ADRA1A: variants seen among roughly 807,000 people sequenced by gnomAD.
ADRA1A encodes alpha-1A adrenergic receptor.
Under a neutral mutation model 29.6 loss-of-function variants are expected in ADRA1A, and 31 were observed. That is an observed-to-expected ratio of 1.05 (90% CI 0.79 to 1.41). ADRA1A has a LOEUF of 1.41. Ranked by LOEUF, ADRA1A falls within the 40% of genes most tolerant of loss-of-function variation. The pLI is 0.00. For synonymous variants in ADRA1A, 311 were observed against 254.3 expected, an observed-to-expected ratio of 1.22 and a Z score of -2.12; for missense variants, 619 against 601.1, an observed-to-expected ratio of 1.03 and a Z score of -0.31.
At chr8:26,791,922 C>T (rs1183532605) in intron 2 of ADRA1A, among the ~76,000 whole-genome samples, 2 of 152,134 alleles carry the variant, frequency 1.3e-5, no homozygotes, top group African/African-American at 4.8e-5. Context: ...CTAACACCAG[C>T]CTCCCTATCA....
intron 2 of ADRA1A, among the ~76,000 whole-genome samples, chr8:26,804,108 G>A (rs1281634692): frequency 6.6e-6 from 1 of 151,798 alleles, no homozygotes; most frequent in Non-Finnish European, 1.5e-5. Flanking sequence ...TTTTTTTAGA[G>A]TCGGGGTCTT....
intron 2 of ADRA1A, among the ~76,000 whole-genome samples, chr8:26,846,199 ACTAG>A (rs1812184209): frequency 6.6e-6 from 1 of 152,202 alleles, no homozygotes; most frequent in African/African-American, 2.4e-5. Flanking sequence ...GTTTTGAATC[ACTAG>A]CTAAGATGTT....
At chr8:26,749,160 T>G (rs1804815168) in intron 2 of ADRA1A, among the ~76,000 whole-genome samples, 1 of 152,214 alleles carries the variant, frequency 6.6e-6, no homozygotes, top group African/African-American at 2.4e-5. Flanking sequence ...AAATAAGCTC[T>G]CAAAGTTGTT....
In ADRA1A at chr8:26,823,036, A is replaced by G. The variant is rs1389741112; in HGVS notation, c.883+41051T>C. On this transcript the variant is annotated intron_variant, in intron 2 of 2. Transcript: ENST00000380573. This position sits in a 1 kb window ranked among gnomAD's most constrained non-coding sequence, Gnocchi z 4.2. ...GCATTAGGGATTACAATTTGACATG[A>G]GATTTGGGTGGGGACACAGATCCAA... Among the ~76,000 whole-genome samples, 1 of 152,186 alleles carries G rather than the reference A, an allele frequency of 6.6e-6. No individual in the cohort carries two copies. The highest frequency in any genetic ancestry group is 1.5e-5 in the Non-Finnish European group (1 of 68,030).
At position 26,823,034 on chromosome 8, in the gene ADRA1A, T is replaced by G. The variant is rs145501124; in HGVS notation, c.883+41053A>C. Among the ~76,000 whole-genome samples, 60 of 152,244 alleles carry G rather than the reference T, an allele frequency of 3.9e-4. No individual in the cohort carries two copies. Among genetic ancestry groups the G allele is most frequent in the African/African-American group, 1.4e-3 (58 of 41,526 alleles). On this transcript the variant is annotated intron_variant, in intron 2 of 2. Transcript: ENST00000380573. This position sits in a 1 kb window ranked among gnomAD's most constrained non-coding sequence, Gnocchi z 4.2. ...CAGCATTAGGGATTACAATTTGACA[T>G]GAGATTTGGGTGGGGACACAGATCC... is the stretch of plus-strand genomic sequence containing the variant.
chr8:26,769,868 C>T lies in ADRA1A; in HGVS notation c.*281G>A, dbSNP rs1306477078. The T allele has an allele frequency of 1.1e-5, 13 of 1,172,772 alleles. No homozygotes were observed. The highest frequency in any genetic ancestry group is 1.3e-5 in the Non-Finnish European group (12 of 949,862). 72.6% of individuals were successfully genotyped at this position (1,172,772 alleles called of 1,614,324 possible). On this transcript the variant is annotated 3_prime_UTR_variant, in exon 3 of 3. Coordinates refer to ENST00000380573, the MANE Select transcript of ADRA1A (RefSeq NM_000680.4). Reference sequence around the variant, plus strand: ...TGGATTGTGCATGAAATTCTGTTTCCCATGGTGGTTTTCGTTGAAGTGGGC... The same window carrying T: ...TGGATTGTGCATGAAATTCTGTTTCTCATGGTGGTTTTCGTTGAAGTGGGC...
At chr8:26,783,525 T>C (rs552174103) in intron 2 of ADRA1A, among the ~76,000 whole-genome samples, 1 of 152,336 alleles carries the variant, frequency 6.6e-6, no homozygotes, top group African/African-American at 2.4e-5. Context: ...CAAAGAATAT[T>C]CAGAATGAGT....
intron 2 of ADRA1A, among the ~76,000 whole-genome samples, chr8:26,852,100 A>C (rs780797980): frequency 6.6e-6 from 1 of 152,190 alleles, no homozygotes; most frequent in Non-Finnish European, 1.5e-5. Flanking sequence ...AAAATTACCA[A>C]TGATTTTCAA....
At chr8:26,749,183 T>C (rs1186375422) in intron 2 of ADRA1A, among the ~76,000 whole-genome samples, 1 of 152,216 alleles carries the variant, frequency 6.6e-6, no homozygotes, top group Admixed American at 6.5e-5. Flanking sequence ...GTAGGACTCA[T>C]AATATCAAAC....
Position 26,825,720 on chromosome 8 carries a change from C to T in ADRA1A, c.883+38367G>A, listed in dbSNP as rs1035219678. The stretch of plus-strand genomic sequence containing the variant: ...ATGATATATGAATTGCACATGCACG[C>T]TAATTTATACTCTCCCTCCTGATTT... On this transcript the variant is annotated intron_variant, in intron 2 of 2. Transcript: ENST00000380573. This position sits in a 1 kb window ranked among gnomAD's most constrained non-coding sequence, Gnocchi z 5.7. 1.3e-5 allele frequency among the ~76,000 whole-genome samples: 2 copies of T among 152,206 alleles called. No individual in the cohort carries two copies. The highest frequency in any genetic ancestry group is 2.9e-5 in the Non-Finnish European group (2 of 68,026).
intron 2 of ADRA1A, among the ~76,000 whole-genome samples, chr8:26,852,910 G>A (rs1812741291): frequency 6.6e-6 from 1 of 152,132 alleles, no homozygotes; most frequent in Non-Finnish European, 1.5e-5. Flanking sequence ...ATGCAAATGA[G>A]AAGTGAAATA....
intron 2 of ADRA1A, among the ~76,000 whole-genome samples, chr8:26,783,475 C>A (rs1053263465): frequency 2.6e-5 from 4 of 152,182 alleles, no homozygotes; most frequent in African/African-American, 9.7e-5. Context: ...TATACGTCTC[C>A]TATAAGGCAG....
At chr8:26,754,323 T>C (rs1364227343), downstream of ADRA1A, among the ~76,000 whole-genome samples, 1 of 152,180 alleles carries the variant, frequency 6.6e-6, no homozygotes, top group Non-Finnish European at 1.5e-5. Flanking sequence ...CCTTGAATAG[T>C]ATAGCGTGCA....
chr8:26,780,860 A>AAT (rs1232931856), intron 2 of ADRA1A, among the ~76,000 whole-genome samples: 1 of 152,234 alleles, frequency 6.6e-6, no homozygotes, highest in African/African-American at 2.4e-5. Context: ...TCCTTATGAG[A>AAT]ATCTAATGCC....
chr8:26,765,940 G>T, downstream of ADRA1A: 2 of 1,527,486 alleles, frequency 1.3e-6, no homozygotes, highest in Non-Finnish European at 1.8e-6. Context: ...GGGCCAGAAG[G>T]TTGGGATATC....
chr8:26,807,963 A>G (rs72609962), intron 2 of ADRA1A, among the ~76,000 whole-genome samples: 3,927 of 152,262 alleles, frequency 0.026, 76 homozygotes, highest in Middle Eastern at 0.061. Context: ...AGCTCTTTAT[A>G]CTAGACACAG....
rs757637044 is a variant in ADRA1A, at chr8:26,832,845, C to T, written c.883+31242G>A. Among the ~76,000 whole-genome samples the T allele has an allele frequency of 5.3e-5, 8 of 152,004 alleles. No homozygotes were observed. The South Asian group carries it at 8.3e-4, about 16-fold the overall frequency. On this transcript the variant is annotated intron_variant, in intron 2 of 2. Coordinates refer to ENST00000380573, the MANE Select transcript of ADRA1A (RefSeq NM_000680.4). ...TCAGGACAAAAGCCTCAGCCCATCCCGGGGAAGGCAGCATTGCTCTGGACA... is the reference window on the plus strand; with the variant it reads ...TCAGGACAAAAGCCTCAGCCCATCCTGGGGAAGGCAGCATTGCTCTGGACA...
intron 2 of ADRA1A, chr8:26,757,070 G>T: frequency 2.8e-6 from 2 of 702,986 alleles, no homozygotes; most frequent in Non-Finnish European, 5.2e-6. Context: ...TTTTTAATTT[G>T]GGCCAACACC....
chr8:26,801,398 G>T (rs1808567913), intron 2 of ADRA1A, among the ~76,000 whole-genome samples: 1 of 152,066 alleles, frequency 6.6e-6, no homozygotes, highest in Non-Finnish European at 1.5e-5. Flanking sequence ...ACACTGAAAA[G>T]CTATTAGTAC....
Sources: gnomAD v4.1 joint callset for allele counts (sites outside exome capture counted in the v4.1 genomes callset) on GRCh38, gnomAD v4.1.1 for gene constraint, Gnocchi (gnomAD v3.1) non-coding constraint, MANE v1.5 for transcripts, NCBI Gene and HGNC (gene_info 2026-07-23, HGNC 2026-07-21) for gene names.